PTPN13: variants seen among roughly 807,000 people sequenced by gnomAD.
The protein encoded by PTPN13 is protein tyrosine phosphatase non-receptor type 13.
PTPN13 carries 191 observed loss-of-function variants against 284.0 expected under a neutral mutation model. That is an observed-to-expected ratio of 0.67 (90% CI 0.60 to 0.76). The LOEUF (loss-of-function observed/expected upper bound fraction) is 0.76. PTPN13 is among the 30% of genes least tolerant of loss of function. PTPN13 has a pLI of 0.00. For missense variants in PTPN13, 2,797 were observed against 2,939.9 expected (o/e 0.95, Z 1.12); for synonymous variants, 986 against 1,022.3 (o/e 0.96, Z 0.68).
chr4:86,720,358 A>G (rs1016907185), intron 9 of PTPN13, among the ~76,000 whole-genome samples: 2 of 152,164 alleles, frequency 1.3e-5, no homozygotes, highest in Non-Finnish European at 2.9e-5. Context: ...TAAGGCCGCC[A>G]TATTTGTCAA....
Position 86,741,726 on chromosome 4 carries a change from T to C in PTPN13, c.2397T>C (p.Ser799=). ...SQTGILLGVC[S]KGVLVFEVHN... ...CAGGAATATTGCTTGGAGTCTGTTC[T>C]AAAGGTGTCCTTGTGTTTGAAGTTC... The change falls in exon 16 of 48, where the codon TCT becomes TCC. Residue 799 remains serine, a synonymous_variant. Transcript: ENST00000411767. The C allele has an allele frequency of 6.2e-7, 1 of 1,613,616 alleles. No individual in the cohort carries two copies. Among genetic ancestry groups the C allele is most frequent in the Non-Finnish European group, 8.5e-7 (1 of 1,179,710 alleles).
At chr4:86,608,797 A>G (rs754781215) in intron 1 of PTPN13, among the ~76,000 whole-genome samples, 9 of 152,182 alleles carry the variant, frequency 5.9e-5, no homozygotes, top group Non-Finnish European at 8.8e-5. Flanking sequence ...TTATCTTATT[A>G]AGGTATGGCC....
At chr4:86,702,569 ATTTC>A (rs1270412008) in intron 7 of PTPN13, among the ~76,000 whole-genome samples, 2 of 152,182 alleles carry the variant, frequency 1.3e-5, no homozygotes, top group African/African-American at 4.8e-5. Context: ...ATAAATGGTA[ATTTC>A]TTATTCTAGA....
At chr4:86,763,376 C>T (rs1021347115) in intron 24 of PTPN13, among the ~76,000 whole-genome samples, 186 bp downstream of exon 24, 1 of 152,162 alleles carries the variant, frequency 6.6e-6, no homozygotes, top group Non-Finnish European at 1.5e-5. Flanking sequence ...TGGATAATAA[C>T]TTTAAATGGC....
At chr4:86,759,310 G>A (rs1480326371) in intron 23 of PTPN13, among the ~76,000 whole-genome samples, 1 of 152,154 alleles carries the variant, frequency 6.6e-6, no homozygotes, top group South Asian at 2.1e-4. Context: ...ACCAGATGAT[G>A]AAAAGGAAAG....
chr4:86,769,179 C>T (rs1162268807), intron 28 of PTPN13, among the ~76,000 whole-genome samples: 1 of 152,124 alleles, frequency 6.6e-6, no homozygotes, highest in African/African-American at 2.4e-5. Flanking sequence ...TTACACCTCC[C>T]CAGAACATTA....
At chr4:86,764,085 G>A (rs1318754515) in intron 24 of PTPN13, among the ~76,000 whole-genome samples, 1 of 152,004 alleles carries the variant, frequency 6.6e-6, no homozygotes, top group Non-Finnish European at 1.5e-5. Flanking sequence ...TATATTATTG[G>A]ATTTATAAAT....
intron 2 of PTPN13, among the ~76,000 whole-genome samples, chr4:86,667,971 GA>G (rs1446207657): frequency 6.6e-6 from 1 of 151,980 alleles, no homozygotes; most frequent in African/African-American, 2.4e-5. Flanking sequence ...AACCCTCAGG[GA>G]AAAAAATGGA....
intron 1 of PTPN13, among the ~76,000 whole-genome samples, chr4:86,610,738 A>G (rs1442965855): frequency 1.3e-5 from 2 of 152,242 alleles, no homozygotes; most frequent in East Asian, 1.9e-4. Flanking sequence ...CTATAGGCCA[A>G]ACAAAACATG....
intron 9 of PTPN13, among the ~76,000 whole-genome samples, chr4:86,719,453 T>C (rs1733401158): frequency 6.6e-6 from 1 of 152,218 alleles, no homozygotes; most frequent in Admixed American, 6.5e-5. Flanking sequence ...TGTATGTGTC[T>C]TTACGGTAGA....
At chr4:86,689,834 A>T in intron 5 of PTPN13, 2 of 684,922 alleles carry the variant, frequency 2.9e-6, no homozygotes. Flanking sequence ...GCTGTATTTT[A>T]TCTTGTTTGC....
intron 24 of PTPN13, among the ~76,000 whole-genome samples, 192 bp from the exon 25 acceptor site, chr4:86,764,401 A>C (rs1274004366): frequency 6.6e-6 from 1 of 152,126 alleles, no homozygotes; most frequent in Non-Finnish European, 1.5e-5. Flanking sequence ...TTCTTTGACT[A>C]TACTCTATCC....
chr4:86,796,813 A>T, intron 40 of PTPN13, 61 bp from the exon 41 acceptor site: 1 of 1,081,920 alleles, frequency 9.2e-7, no homozygotes, highest in Admixed American at 2.5e-5. Flanking sequence ...CAGGAAAAAA[A>T]TAGTATGCGA....
chr4:86,641,139 C>T (rs1343248638), intron 2 of PTPN13, among the ~76,000 whole-genome samples: 1 of 152,090 alleles, frequency 6.6e-6, no homozygotes, highest in Non-Finnish European at 1.5e-5. Flanking sequence ...GTCCCAAGTT[C>T]TTCTCCTGAC....
chr4:86,708,778 A>G (rs922689980), intron 7 of PTPN13, among the ~76,000 whole-genome samples: 6 of 152,078 alleles, frequency 3.9e-5, no homozygotes, highest in African/African-American at 2.4e-5. Flanking sequence ...ATTCTCTGCT[A>G]TCAGCCATTT....
chr4:86,649,612 C>T (rs1382064927), intron 2 of PTPN13, among the ~76,000 whole-genome samples: 2 of 152,068 alleles, frequency 1.3e-5, no homozygotes, highest in African/African-American at 4.8e-5. Context: ...TAATACCATG[C>T]TGTTTTGGTA....
intron 10 of PTPN13, among the ~76,000 whole-genome samples, chr4:86,724,069 T>A (rs2149096614): frequency 6.6e-6 from 1 of 152,358 alleles, no homozygotes; most frequent in East Asian, 1.9e-4. Flanking sequence ...CTTATGATGC[T>A]GTTATATGAC....
intron 2 of PTPN13, among the ~76,000 whole-genome samples, chr4:86,642,446 CTTCTTTTT>C (rs1354248858): frequency 3.1e-5 from 2 of 63,568 alleles, no homozygotes; most frequent in Admixed American, 2.8e-4. Flanking sequence ...TCTTCTTCTT[CTTCTTTTT>C]TTTTTTTTTT....
chr4:86,665,098 C>A (rs1280355720), intron 2 of PTPN13, among the ~76,000 whole-genome samples: 1 of 151,978 alleles, frequency 6.6e-6, no homozygotes, highest in Admixed American at 6.6e-5. Context: ...GTTTTGTTGC[C>A]AAGTAGCATA....
Sources: allele counts gnomAD v4.1 joint callset (sites outside exome capture counted in the v4.1 genomes callset), GRCh38; gene constraint gnomAD v4.1.1; transcripts MANE v1.5; gene names NCBI Gene and HGNC (gene_info 2026-07-23, HGNC 2026-07-21).